Variants in ADGB observed in about 807,000 individuals in gnomAD.
ADGB encodes calpain-7-like protein.
In ADGB, 172 loss-of-function variants were observed where a neutral mutation model predicts 210.5. The observed-to-expected ratio is 0.82, with a 90% CI of 0.72 to 0.93. ADGB has a LOEUF of 0.93. Among genes scored for constraint, ADGB ranks in the 40% least tolerant of loss-of-function variants. The pLI, the probability that ADGB is intolerant of heterozygous loss-of-function variation, is 0.00. For missense variants in ADGB, 2,025 were observed against 1,964.8 expected (o/e 1.03, Z -0.58); for synonymous variants, 658 against 662.7 (o/e 0.99, Z 0.11).
At chr6:146,802,974 A>G (rs1778154679) in intron 35 of ADGB, 4 of 1,609,814 alleles carry the variant, frequency 2.5e-6, no homozygotes, top group Non-Finnish European at 3.4e-6. Context: ...CCTTTTAATG[A>G]CTGCTTGAAG....
intron 13 of ADGB, among the ~76,000 whole-genome samples, chr6:146,714,540 A>G (rs1175917648): frequency 2.0e-5 from 3 of 152,190 alleles, no homozygotes; most frequent in Non-Finnish European, 1.5e-5. Flanking sequence ...GAAACTTCTC[A>G]TTTAATTTCT....
At chr6:146,650,424 T>C (rs1775683212) in intron 3 of ADGB, among the ~76,000 whole-genome samples, 1 of 151,814 alleles carries the variant, frequency 6.6e-6, no homozygotes, top group African/African-American at 2.4e-5. Context: ...AGGTTAAGTA[T>C]TTGAGCTCTG....
At chr6:146,700,496 G>A (rs73589857) in intron 12 of ADGB, among the ~76,000 whole-genome samples, 9,363 of 152,176 alleles carry the variant, frequency 0.062, 937 homozygotes, top group African/African-American at 0.21. Flanking sequence ...AGTCATATCA[G>A]CCAATTACTT....
intron 22 of ADGB, among the ~76,000 whole-genome samples, chr6:146,735,213 T>C (rs1777061216): frequency 6.6e-6 from 1 of 152,210 alleles, no homozygotes; most frequent in Admixed American, 6.5e-5. Flanking sequence ...AAACTCAATA[T>C]AGGATGTCTT....
intron 35 of ADGB, among the ~76,000 whole-genome samples, chr6:146,807,062 A>G (rs1431274698): frequency 1.3e-5 from 2 of 152,246 alleles, no homozygotes; most frequent in African/African-American, 4.8e-5. Flanking sequence ...TTTCTTGAGC[A>G]CAGTTACTTT....
intron 2 of ADGB, chr6:146,639,730 T>C (rs1223785562): frequency 6.6e-6 from 1 of 151,876 alleles, no homozygotes; most frequent in African/African-American, 2.4e-5. Context: ...TATACTAAAA[T>C]TGGAATGATA....
intron 32 of ADGB, among the ~76,000 whole-genome samples, chr6:146,787,598 T>G (rs187454779): frequency 6.6e-6 from 1 of 152,222 alleles, no homozygotes; most frequent in Non-Finnish European, 1.5e-5. Flanking sequence ...GGAATCGACT[T>G]TTGACTACTG....
intron 1 of ADGB, among the ~76,000 whole-genome samples, chr6:146,616,656 A>G (rs1396460171): frequency 6.6e-6 from 1 of 151,998 alleles, no homozygotes; most frequent in Non-Finnish European, 1.5e-5. Flanking sequence ...TGAATATCCA[A>G]TTTCCCCAGT....
At chr6:146,803,755 C>G (rs1347138987) in intron 35 of ADGB, 4 of 721,618 alleles carry the variant, frequency 5.5e-6, no homozygotes, top group Non-Finnish European at 9.2e-6. Flanking sequence ...CGCCTCAGCC[C>G]AGCCTCCGCG....
chr6:146,607,596 G>A (rs1780650105), intron 1 of ADGB, among the ~76,000 whole-genome samples: 1 of 152,030 alleles, frequency 6.6e-6, no homozygotes, highest in African/African-American at 2.4e-5. Flanking sequence ...AGTTTTTAAT[G>A]TGAAGGTGTA....
chr6:146,761,200 T>A (rs1267987026), intron 27 of ADGB, among the ~76,000 whole-genome samples: 1 of 152,026 alleles, frequency 6.6e-6, no homozygotes, highest in African/African-American at 2.4e-5. Flanking sequence ...CATGTTTTAT[T>A]CTAAAAGTTT....
intron 17 of ADGB, among the ~76,000 whole-genome samples, chr6:146,722,187 T>C (rs922053240): frequency 1.3e-5 from 2 of 152,146 alleles, no homozygotes; most frequent in Non-Finnish European, 2.9e-5. Context: ...TCCCCTACTT[T>C]CATGGTTACC....
intron 1 of ADGB, among the ~76,000 whole-genome samples, chr6:146,600,926 G>A (rs9497575): frequency 0.018 from 2,612 of 144,578 alleles, 67 homozygotes; most frequent in East Asian, 0.11. Context: ...TCCCCCATGC[G>A]CACACACACA....
At chr6:146,736,987 C>T (rs993354340) in intron 23 of ADGB, among the ~76,000 whole-genome samples, 1 of 151,884 alleles carries the variant, frequency 6.6e-6, no homozygotes, top group Non-Finnish European at 1.5e-5. Context: ...AAAAAAACTG[C>T]ATTCTAGCCA....
intron 4 of ADGB, 73 bp from the exon 5 acceptor site, chr6:146,656,696 TAC>T: frequency 1.0e-6 from 1 of 1,003,492 alleles, no homozygotes; most frequent in East Asian, 2.7e-5. Flanking sequence ...TGGATTTTTT[TAC>T]TGTTTTTATC....
intron 1 of ADGB, among the ~76,000 whole-genome samples, chr6:146,629,669 C>T (rs1342933771): frequency 2.0e-5 from 3 of 152,068 alleles, no homozygotes; most frequent in African/African-American, 4.8e-5. Flanking sequence ...GACAAAATCA[C>T]CAATTTATTT....
rs537633003 is a variant in ADGB at position 146,800,540 on chromosome 6, T to A, written c.4538-643T>A. ...AAATTATACTTCAGTAGCTTTTTTT[T>A]AAAAAAAAAGCAGTGGTCTGGAAAT... On this transcript the variant is annotated intron_variant, in intron 33 of 35. Coordinates refer to ENST00000397944, the MANE Select transcript of ADGB (RefSeq NM_024694.4). 1.4e-3 allele frequency among the ~76,000 whole-genome samples: 210 copies of A among 151,694 alleles called. 2 individuals carry two copies. The highest frequency in any genetic ancestry group is 4.6e-3 in the African/African-American group (191 of 41,372).
At chr6:146,635,247 T>A in intron 1 of ADGB, 128 bp from the exon 2 acceptor site, 3 of 816,764 alleles carry the variant, frequency 3.7e-6, no homozygotes, top group East Asian at 6.6e-5. Flanking sequence ...GCCACAAGTA[T>A]GATTGTATTA....
intron 11 of ADGB, among the ~76,000 whole-genome samples, 187 bp downstream of exon 11, chr6:146,691,477 A>AAAAATATATAT (rs1342320983): frequency 5.4e-5 from 1 of 18,568 alleles, no homozygotes; most frequent in African/African-American, 4.3e-4. Context: ...TATATATATA[A>AAAAATATATAT]ATATATATAT....
Sources: gnomAD v4.1 joint callset for allele counts (sites outside exome capture counted in the v4.1 genomes callset) on GRCh38, gnomAD v4.1.1 for gene constraint, MANE v1.5 for transcripts, NCBI Gene and HGNC (gene_info 2026-07-23, HGNC 2026-07-21) for gene names.